The following DPYD variants were observed in gnomAD, a reference collection of about 807,000 sequenced individuals.
DPYD encodes dihydropyrimidine dehydrogenase.
A neutral mutation model predicts 116.2 loss-of-function variants in DPYD; 109 were observed. That is an observed-to-expected ratio of 0.94 (90% CI 0.80 to 1.10). The LOEUF is 1.10. Among genes scored for constraint, DPYD ranks in the 50% least tolerant of loss-of-function variants. The pLI is 0.00. For missense variants in DPYD, 1,302 were observed against 1,254.5 expected, an observed-to-expected ratio of 1.04 and a Z score of -0.57; for synonymous variants, 440 against 432.0, an observed-to-expected ratio of 1.02 and a Z score of -0.23.
chr1:97,622,095 A>G (rs1454594216), intron 8 of DPYD, among the ~76,000 whole-genome samples: 1 of 152,126 alleles, frequency 6.6e-6, no homozygotes, highest in East Asian at 1.9e-4. Context: ...TTCTCAAGGA[A>G]GTGGAGCATA....
chr1:97,844,663 C>A (rs1252027453), intron 2 of DPYD, among the ~76,000 whole-genome samples: 2 of 152,178 alleles, frequency 1.3e-5, no homozygotes, highest in East Asian at 3.9e-4. Flanking sequence ...GCTACACCCT[C>A]CATAGGGCCA....
intron 16 of DPYD, among the ~76,000 whole-genome samples, chr1:97,341,314 A>G (rs1051896242): frequency 1.3e-5 from 2 of 152,164 alleles, no homozygotes; most frequent in Admixed American, 6.5e-5. Flanking sequence ...AAATACCTTC[A>G]ATTACATCAA....
chr1:97,354,510 T>C (rs1483889784), intron 16 of DPYD, among the ~76,000 whole-genome samples: 2 of 152,182 alleles, frequency 1.3e-5, no homozygotes, highest in Admixed American at 1.3e-4. Flanking sequence ...ATAATATGCA[T>C]ATATAAGTAG....
At chr1:97,709,149 T>C (rs114970958) in intron 5 of DPYD, among the ~76,000 whole-genome samples, 2,015 of 151,990 alleles carry the variant, frequency 0.013, 21 homozygotes, top group Middle Eastern at 0.024. Context: ...GCATTTGTAT[T>C]CTTTTTAAGG....
rs1650623291 is a variant in DPYD at position 97,543,777 on chromosome 1, A to G, written c.1524+5783T>C. On this transcript the variant is annotated intron_variant, in intron 12 of 22. Transcript: ENST00000370192. ...GATTTCTGCATATTTTTCCTATGTAATAGATGAATACTTTATTTTGAGGGT... is the reference window on the plus strand; with the variant it reads ...GATTTCTGCATATTTTTCCTATGTAGTAGATGAATACTTTATTTTGAGGGT... Among the ~76,000 whole-genome samples the G allele has an allele frequency of 3.3e-5, 5 of 152,208 alleles. 1 individual carries two copies. The South Asian group carries it at 1.0e-3, about 31-fold the overall frequency.
chr1:97,914,576 A>G (rs180986502), intron 1 of DPYD, among the ~76,000 whole-genome samples: 2 of 152,208 alleles, frequency 1.3e-5, no homozygotes, highest in South Asian at 2.1e-4. Flanking sequence ...ATGTTGCAGT[A>G]AAAAAAGGAT....
At chr1:97,584,419 A>T (rs1653934047) in intron 10 of DPYD, among the ~76,000 whole-genome samples, 1 of 151,818 alleles carries the variant, frequency 6.6e-6, no homozygotes, top group Non-Finnish European at 1.5e-5. Flanking sequence ...GTTTAATTAG[A>T]TCCTATTTGT....
intron 11 of DPYD, among the ~76,000 whole-genome samples, chr1:97,558,660 C>T (rs1401112394): frequency 6.6e-6 from 1 of 152,118 alleles, no homozygotes; most frequent in Non-Finnish European, 1.5e-5. Context: ...TAAACTTAGG[C>T]TCCCCAAGTT....
chr1:97,520,355 C>T (rs773850024), intron 12 of DPYD, among the ~76,000 whole-genome samples: 2 of 152,100 alleles, frequency 1.3e-5, no homozygotes, highest in Non-Finnish European at 2.9e-5. Context: ...TTTACTCATG[C>T]GTTAAACTCT....
chr1:97,308,743 G>T (rs1667308853), intron 16 of DPYD, among the ~76,000 whole-genome samples: 1 of 151,738 alleles, frequency 6.6e-6, no homozygotes, highest in African/African-American at 2.4e-5. Context: ...GCATGAGATG[G>T]CTTTGCCTTT....
intron 14 of DPYD, among the ~76,000 whole-genome samples, chr1:97,444,033 CA>C (rs959050074): frequency 6.6e-6 from 1 of 152,148 alleles, no homozygotes; most frequent in African/African-American, 2.4e-5. Flanking sequence ...AATCCAAGTC[CA>C]AATGGAGTCC....
intron 14 of DPYD, among the ~76,000 whole-genome samples, chr1:97,438,601 G>A (rs1465266665): frequency 6.6e-6 from 1 of 151,620 alleles, no homozygotes; most frequent in African/African-American, 2.4e-5. Context: ...AAAGTATTCT[G>A]ACAGGGCCAA....
intron 16 of DPYD, among the ~76,000 whole-genome samples, chr1:97,314,490 CTTTT>C (rs66629750): frequency 8.1e-6 from 1 of 123,410 alleles, no homozygotes; most frequent in Non-Finnish European, 1.6e-5. Context: ...CTAAAGCTTT[CTTTT>C]TTTTTTTTTT....
intron 3 of DPYD, among the ~76,000 whole-genome samples, chr1:97,758,126 T>C (rs1665358133): frequency 1.3e-5 from 2 of 152,162 alleles, no homozygotes; most frequent in South Asian, 4.1e-4. Context: ...AACCCATAAT[T>C]GTCCCTCTGC....
intron 4 of DPYD, among the ~76,000 whole-genome samples, chr1:97,732,292 C>T (rs954127997): frequency 1.3e-5 from 2 of 151,832 alleles, no homozygotes; most frequent in Non-Finnish European, 2.9e-5. Flanking sequence ...CTAGCTAACA[C>T]GGTGAAACCT....
intron 8 of DPYD, among the ~76,000 whole-genome samples, chr1:97,644,338 T>C (rs1658120054): frequency 6.6e-6 from 1 of 152,198 alleles, no homozygotes; most frequent in Admixed American, 6.6e-5. Context: ...GCCATCGCTT[T>C]CTGACCCTTG....
chr1:97,176,868 A>ATGTGTGTGTGTGTGTGTGTGTGTGTG (rs10677535), intron 20 of DPYD, among the ~76,000 whole-genome samples: 42 of 146,680 alleles, frequency 2.9e-4, no homozygotes, highest in South Asian at 6.8e-4. Flanking sequence ...GGACAAAAAA[A>ATGTGTGTGTGTGTGTGTGTGTGTGTG]TGTGTGTGTG....
At chr1:97,220,964 C>T (rs919008334) in intron 19 of DPYD, among the ~76,000 whole-genome samples, 2 of 152,142 alleles carry the variant, frequency 1.3e-5, no homozygotes, top group Admixed American at 1.3e-4. Context: ...AAATGGATTT[C>T]TGTGCTTCCC....
At chr1:97,764,000 T>C (rs948157345) in intron 3 of DPYD, among the ~76,000 whole-genome samples, 6 of 152,198 alleles carry the variant, frequency 3.9e-5, no homozygotes, top group Non-Finnish European at 7.4e-5. Context: ...AACATAAAAG[T>C]AGGATGTCAT....
Sources: gnomAD v4.1 joint callset for allele counts (sites outside exome capture counted in the v4.1 genomes callset) on GRCh38, gnomAD v4.1.1 for gene constraint, MANE v1.5 for transcripts, NCBI Gene and HGNC (gene_info 2026-07-23, HGNC 2026-07-21) for gene names.